The following ARID4A variants were observed in gnomAD, a reference collection of about 807,000 sequenced individuals.
ARID4A encodes AT-rich interactive domain-containing protein 4A.
ARID4A carries 39 observed loss-of-function variants against 148.6 expected under a neutral mutation model. The observed-to-expected ratio is 0.26, with a 90% CI of 0.20 to 0.34. The LOEUF (loss-of-function observed/expected upper bound fraction) is 0.34, where lower values mean the gene tolerates loss of function less well. Ranked by LOEUF, ARID4A falls within the 10% of genes least tolerant of loss-of-function variation. The pLI is 1.00. For synonymous variants in ARID4A, 475 were observed against 481.2 expected (o/e 0.99, Z 0.17); for missense variants, 1,265 against 1,449.1 (o/e 0.87, Z 2.06).
In ARID4A at chr14:58,345,719, C is replaced by CTTTTTT. The variant is rs869137059; in HGVS notation, c.980-668_980-663dup. ...TCTGTTGTGTTTGTTTATGCCTAAA[C>CTTTTTT]TTTTTTTTTTTTTTTTTTTTTTTTT... is the stretch of plus-strand genomic sequence containing the variant. On this transcript the variant is annotated intron_variant, in intron 12 of 23. Coordinates refer to ENST00000355431, the MANE Select transcript of ARID4A (RefSeq NM_002892.4). Among the ~76,000 whole-genome samples the CTTTTTT allele has an allele frequency of 3.4e-4, 26 of 75,870 alleles. 4 individuals are homozygous for CTTTTTT. The highest frequency in any genetic ancestry group is 3.5e-4 in the African/African-American group (6 of 16,958). 49.8% of individuals were successfully genotyped at this position (75,870 alleles called of 152,430 possible). A position where few individuals can be genotyped will look rare whatever the true frequency, so the allele number is the denominator to read the frequency against.
rs759828264 is a variant in ARID4A, at chr14:58,365,139, G to A, written c.3050G>A (p.Arg1017Gln). The change falls in exon 20 of 24, where the codon CGA becomes CAA. Residue 1017 changes from arginine to glutamine, a missense_variant. By Grantham distance (43) the Arg-to-Gln change is conservative. This residue lies in a region of ARID4A where 666 missense variants were observed against 730.9 expected (regional missense o/e 0.91). Transcript: ENST00000355431. ...CTTACTCTTAGTCAAGATGAGTCTC[G>A]AAGCGTAAAAAGTGAGAGTGATATA... ...SPLTLSQDES[R>Q]SVKSESDITI... The A allele has an allele frequency of 8.1e-6, 13 of 1,613,914 alleles. No individual in the cohort carries two copies. Among genetic ancestry groups the A allele is most frequent in the Admixed American group, 3.3e-5 (2 of 60,006 alleles).
intron 3 of ARID4A, 37 bp from the exon 4 acceptor site, chr14:58,304,907 A>G (rs1485900549): frequency 6.5e-7 from 1 of 1,532,544 alleles, no homozygotes; most frequent in Non-Finnish European, 9.0e-7. Context: ...TTTGTTTTAA[A>G]AGTAATATGC....
Position 58,299,818 on chromosome 14 carries a change from G to A in ARID4A, c.-37G>A, listed in dbSNP as rs762106043. 1.2e-6 allele frequency: 2 copies of A among 1,614,162 alleles called. No individual in the cohort carries two copies. Among genetic ancestry groups the A allele is most frequent in the East Asian group, 4.5e-5 (2 of 44,876 alleles). On this transcript the variant is annotated 5_prime_UTR_variant, in exon 2 of 24. Transcript: ENST00000355431. ...CATAGTTCTAGCGACTGCGAAGATA[G>A]CTCGCTGAGCTGGAACCCCACAGAT...
rs1381583556 is a variant in ARID4A, at chr14:58,364,851, G to A, written c.2762G>A (p.Cys921Tyr). Residue 921 changes from cysteine to tyrosine, a missense_variant, in exon 20 of 24, where the codon TGC (cysteine) becomes TAC (tyrosine). Coordinates refer to ENST00000355431, the MANE Select transcript of ARID4A (RefSeq NM_002892.4). ...MPSLIAESNQCIQQLTSERFD... is the reference protein window; with the variant it reads ...MPSLIAESNQYIQQLTSERFD... ...TCATTGATAGCAGAGTCAAACCAAT[G>A]CATCCAACAACTGACTAGTGAAAGA... The A allele has an allele frequency of 6.2e-7, 1 of 1,613,960 alleles. No individual in the cohort carries two copies. Among genetic ancestry groups the A allele is most frequent in the African/African-American group, 1.3e-5 (1 of 74,924 alleles).
At chr14:58,301,203 G>T (rs2140127280) in intron 2 of ARID4A, among the ~76,000 whole-genome samples, 1 of 152,150 alleles carries the variant, frequency 6.6e-6, no homozygotes, top group Admixed American at 6.5e-5. Context: ...CTTTTAATTT[G>T]AAAAATTTCA....
intron 11 of ARID4A, among the ~76,000 whole-genome samples, chr14:58,332,796 A>C (rs1405999896): frequency 1.3e-5 from 2 of 152,148 alleles, no homozygotes; most frequent in Non-Finnish European, 2.9e-5. Flanking sequence ...GTGAAGATTC[A>C]ATGTTGCATT....
chr14:58,356,018 A>G (rs1297491131), intron 17 of ARID4A, among the ~76,000 whole-genome samples: 3 of 152,208 alleles, frequency 2.0e-5, no homozygotes, highest in African/African-American at 7.2e-5. Flanking sequence ...AAAAGCTGGT[A>G]TAATTCTGGC....
rs2035018380 is a variant in ARID4A, at chr14:58,359,128, T to TTTA, written c.1854-4_1854-3insTTA. 6.4e-7 allele frequency: 1 copy of TTTA among 1,551,458 alleles called. No homozygotes were observed. Among genetic ancestry groups the TTTA allele is most frequent in the Non-Finnish European group, 8.7e-7 (1 of 1,155,148 alleles). ...AACTCTTTTTTTTTTTTTTTTTTTT[T>TTTA]AAGGTATGATGAGTGGGTGAAGGCT... On this transcript the variant is annotated splice_region_variant and splice_polypyrimidine_tract_variant and intron_variant, in intron 17 of 23. Transcript: ENST00000355431.
intron 17 of ARID4A, among the ~76,000 whole-genome samples, chr14:58,356,601 A>C (rs752451533): frequency 2.0e-5 from 3 of 152,162 alleles, no homozygotes; most frequent in Non-Finnish European, 4.4e-5. Flanking sequence ...TAGTACAGGC[A>C]GTTCCTAACT....
At chr14:58,367,577 C>T (rs1261056577) in intron 23 of ARID4A, among the ~76,000 whole-genome samples, 1 of 152,040 alleles carries the variant, frequency 6.6e-6, no homozygotes, top group Non-Finnish European at 1.5e-5. Context: ...CAGTGTGTAC[C>T]CTGAGAATGA....
In ARID4A at chr14:58,365,160, A is replaced by C. The variant is rs2035298281; in HGVS notation, c.3071A>C (p.Asp1024Ala). 1 of 1,614,024 alleles carries C rather than the reference A, an allele frequency of 6.2e-7. No homozygotes were observed. The highest frequency in any genetic ancestry group is 1.3e-5 in the African/African-American group (1 of 74,924). ...TCTCGAAGCGTAAAAAGTGAGAGTGATATAACGATTGAAGTTGATAGTATT... is the reference window on the plus strand; with the variant it reads ...TCTCGAAGCGTAAAAAGTGAGAGTGCTATAACGATTGAAGTTGATAGTATT... ...DESRSVKSES[D>A]ITIEVDSIAE... The change falls in exon 20 of 24, where the codon GAT (aspartate) becomes GCT (alanine). Residue 1024 changes from aspartate (D) to alanine (A), a missense_variant. Coordinates refer to ENST00000355431, the MANE Select transcript of ARID4A (RefSeq NM_002892.4).
chr14:58,301,360 T>C (rs2031155307), intron 2 of ARID4A, among the ~76,000 whole-genome samples: 1 of 152,226 alleles, frequency 6.6e-6, no homozygotes, highest in African/African-American at 2.4e-5. Flanking sequence ...CTGATAATTT[T>C]GAATTACAAC....
At chr14:58,341,449 G>C (rs913106110) in intron 11 of ARID4A, among the ~76,000 whole-genome samples, 3 of 152,196 alleles carry the variant, frequency 2.0e-5, no homozygotes, top group African/African-American at 7.2e-5. Flanking sequence ...ACCACTGCCA[G>C]TTCATCTCGA....
Position 58,372,994 on chromosome 14 carries a change from G to T in ARID4A, c.*1005G>T, listed in dbSNP as rs1470503449. The T allele has an allele frequency of 5.2e-6, 1 of 193,166 alleles. No individual in the cohort carries two copies. Among genetic ancestry groups the T allele is most frequent in the Admixed American group, 6.1e-5 (1 of 16,338 alleles). 12.0% of individuals were successfully genotyped at this position (193,166 alleles called of 1,614,324 possible). ...TCAGCTGTCCTTTTTACAGGAGGTT[G>T]CATCCTGCAGCCTTGCCTGTGTTAA... On this transcript the variant is annotated 3_prime_UTR_variant, in exon 24 of 24. Transcript: ENST00000355431.
chr14:58,309,371 C>A (rs774101560), intron 5 of ARID4A, among the ~76,000 whole-genome samples: 6 of 152,146 alleles, frequency 3.9e-5, no homozygotes, highest in African/African-American at 7.2e-5. Flanking sequence ...CCTCTTCCTA[C>A]CATTCCTACC....
At chr14:58,336,627 A>G (rs906683122) in intron 11 of ARID4A, among the ~76,000 whole-genome samples, 1 of 152,162 alleles carries the variant, frequency 6.6e-6, no homozygotes, top group African/African-American at 2.4e-5. Context: ...CACTATTAAA[A>G]CGTTTACCTT....
chr14:58,335,245 T>C (rs1204428826), intron 11 of ARID4A, among the ~76,000 whole-genome samples: 2 of 152,138 alleles, frequency 1.3e-5, no homozygotes, highest in East Asian at 3.9e-4. Context: ...ACTTGATATC[T>C]ATATGTACAT....
intron 11 of ARID4A, among the ~76,000 whole-genome samples, chr14:58,336,629 G>A (rs186683538): frequency 6.0e-4 from 92 of 152,166 alleles, no homozygotes; most frequent in African/African-American, 2.1e-3. Flanking sequence ...CTATTAAAAC[G>A]TTTACCTTTT....
At position 58,347,819 on chromosome 14, in the gene ARID4A, G is replaced by A. The variant is rs1340400802; in HGVS notation, c.1345G>A (p.Glu449Lys). Residue 449 changes from glutamate to lysine, a missense_variant, in exon 15 of 24, where the codon GAA (glutamate) becomes AAA (lysine). Transcript: ENST00000355431. ...PLTEVKSEPE[E>K]NIDSNSESER... ...AACAGAAGTGAAGAGTGAACCTGAGGAAAATATCGATTCAAACAGTGAAAG... is the reference window on the plus strand; with the variant it reads ...AACAGAAGTGAAGAGTGAACCTGAGAAAAATATCGATTCAAACAGTGAAAG... The A allele has an allele frequency of 2.5e-6, 4 of 1,613,620 alleles. No individual in the cohort carries two copies. In the African/African-American group the frequency reaches 5.3e-5, roughly 22 times the overall value.
Sources: allele counts gnomAD v4.1 joint callset (sites outside exome capture counted in the v4.1 genomes callset), GRCh38; gene constraint gnomAD v4.1.1; regional missense constraint gnomAD v4.1.1; transcripts MANE v1.5; gene names NCBI Gene and HGNC (gene_info 2026-07-23, HGNC 2026-07-21).